Variants in ITPR2 observed in about 807,000 individuals in gnomAD.
The protein encoded by ITPR2 is inositol 1,4,5-trisphosphate receptor type 2.
A neutral mutation model predicts 317.1 loss-of-function variants in ITPR2; 207 were observed. The observed-to-expected ratio is 0.65, with a 90% CI of 0.58 to 0.73. ITPR2 has a LOEUF of 0.73. Ranked by LOEUF, ITPR2 falls within the 30% of genes least tolerant of loss-of-function variation. The pLI is 0.00. For missense variants in ITPR2, 2,613 were observed against 3,284.0 expected (o/e 0.80, Z 4.99); for synonymous variants, 1,156 against 1,149.1 (o/e 1.01, Z -0.12).
intron 26 of ITPR2, among the ~76,000 whole-genome samples, chr12:26,619,526 A>C (rs918483726): frequency 6.6e-6 from 1 of 152,110 alleles, no homozygotes; most frequent in Non-Finnish European, 1.5e-5. Context: ...AGAGACATGA[A>C]ATAAGGTGAG....
chr12:26,724,786 C>T, intron 3 of ITPR2, 44 bp from the exon 4 acceptor site: 2 of 1,412,112 alleles, frequency 1.4e-6, no homozygotes, highest in Non-Finnish European at 2.0e-6. Flanking sequence ...ATATAGTAAA[C>T]AGAGTGTAAT....
chr12:26,558,075 CTAAA>C (rs560429987), intron 35 of ITPR2, among the ~76,000 whole-genome samples: 183 of 152,250 alleles, frequency 1.2e-3, no homozygotes, highest in Non-Finnish European at 2.2e-3. Context: ...TTCAACCACT[CTAAA>C]TAAGCTTTCT....
intron 54 of ITPR2, 55 bp downstream of exon 54, chr12:26,398,819 CCT>C (rs1279165152): frequency 1.8e-5 from 25 of 1,427,820 alleles, no homozygotes; most frequent in African/African-American, 8.7e-5. Context: ...CCCTCTAGCC[CCT>C]CTTTCCTGCA....
intron 2 of ITPR2, among the ~76,000 whole-genome samples, chr12:26,741,768 C>T (rs1208365658): frequency 1.3e-5 from 2 of 152,164 alleles, no homozygotes; most frequent in Non-Finnish European, 2.9e-5. Flanking sequence ...GGGCTCTAGT[C>T]CCCTCAGAAA....
intron 49 of ITPR2, among the ~76,000 whole-genome samples, chr12:26,426,854 T>A (rs1423703812): frequency 1.3e-5 from 2 of 150,710 alleles, no homozygotes; most frequent in East Asian, 3.9e-4. Context: ...ATTTATTAAG[T>A]AAATATTTGT....
intron 18 of ITPR2, 129 bp from the exon 19 acceptor site, chr12:26,656,677 T>C: frequency 2.2e-6 from 2 of 889,878 alleles, no homozygotes; most frequent in Non-Finnish European, 3.4e-6. Context: ...AGTCAAACTC[T>C]TGACTGTAGT....
intron 45 of ITPR2, among the ~76,000 whole-genome samples, chr12:26,443,945 T>C (rs920376017): frequency 6.6e-6 from 1 of 152,170 alleles, no homozygotes; most frequent in Non-Finnish European, 1.5e-5. Flanking sequence ...AAATTTAAAC[T>C]ACATGCAAAT....
chr12:26,782,594 A>G (rs1329797787), intron 2 of ITPR2, among the ~76,000 whole-genome samples: 1 of 152,350 alleles, frequency 6.6e-6, no homozygotes, highest in Non-Finnish European at 1.5e-5. Flanking sequence ...CTCTAGAGTC[A>G]TAGAACTTGG....
chr12:26,583,167 A>C (rs980068300), intron 32 of ITPR2, among the ~76,000 whole-genome samples: 1 of 152,174 alleles, frequency 6.6e-6, no homozygotes, highest in African/African-American at 2.4e-5. Flanking sequence ...ACTGACTGCT[A>C]TACCAGTAAA....
chr12:26,551,024 A>T (rs1248582885), intron 36 of ITPR2, among the ~76,000 whole-genome samples: 1 of 152,236 alleles, frequency 6.6e-6, no homozygotes, highest in East Asian at 1.9e-4. Flanking sequence ...GAAGAGTTTC[A>T]AGATCACCAT....
chr12:26,566,740 T>C (rs1360905054), intron 34 of ITPR2, among the ~76,000 whole-genome samples: 1 of 152,186 alleles, frequency 6.6e-6, no homozygotes, highest in Non-Finnish European at 1.5e-5. Context: ...CCTTAGTAAA[T>C]GTTTTCCTAA....
intron 36 of ITPR2, among the ~76,000 whole-genome samples, chr12:26,551,276 G>C (rs899380955): frequency 6.6e-6 from 1 of 152,196 alleles, no homozygotes; most frequent in Non-Finnish European, 1.5e-5. Flanking sequence ...TCAGGGTCAA[G>C]TGTAAGGGCT....
chr12:26,578,447 T>C (rs1390143760), intron 34 of ITPR2, among the ~76,000 whole-genome samples: 2 of 152,298 alleles, frequency 1.3e-5, no homozygotes, highest in Non-Finnish European at 2.9e-5. Flanking sequence ...AACAATTAAC[T>C]AAAATCCTCT....
chr12:26,486,085 C>T lies in ITPR2; in HGVS notation c.5811+19G>A, dbSNP rs755570202. 6.2e-7 allele frequency: 1 copy of T among 1,612,794 alleles called. No individual in the cohort carries two copies. Among genetic ancestry groups the T allele is most frequent in the South Asian group, 1.1e-5 (1 of 91,004 alleles). ...ACATAGGTTGTATTCTCAGCTTTCACACAAAACAGAACAAATACCTGCAAT... is the reference window on the plus strand; with the variant it reads ...ACATAGGTTGTATTCTCAGCTTTCATACAAAACAGAACAAATACCTGCAAT... On this transcript the variant is annotated intron_variant, in intron 41 of 56. Transcript: ENST00000381340.
intron 37 of ITPR2, among the ~76,000 whole-genome samples, chr12:26,519,766 A>G (rs1055380764): frequency 3.9e-5 from 6 of 152,258 alleles, no homozygotes; most frequent in African/African-American, 1.4e-4. Context: ...TAAAATGAAA[A>G]ACTACTGAAA....
chr12:26,376,401 G>A (rs1181124252), intron 55 of ITPR2, among the ~76,000 whole-genome samples: 1 of 151,984 alleles, frequency 6.6e-6, no homozygotes, highest in Non-Finnish European at 1.5e-5. Flanking sequence ...TGAGGTCAGG[G>A]ACCTAAACAG....
intron 32 of ITPR2, among the ~76,000 whole-genome samples, chr12:26,591,356 G>C (rs1945698536): frequency 6.6e-6 from 1 of 152,178 alleles, no homozygotes; most frequent in South Asian, 2.1e-4. Context: ...TTGATCACAA[G>C]AGAAATGCAA....
chr12:26,399,614 C>T (rs933086764), intron 53 of ITPR2, among the ~76,000 whole-genome samples: 1 of 152,156 alleles, frequency 6.6e-6, no homozygotes, highest in Non-Finnish European at 1.5e-5. Flanking sequence ...CTGGCCGGAG[C>T]AGAGCTAAGA....
At position 26,439,314 on chromosome 12, in the gene ITPR2, G is replaced by A. The variant is rs781191473; in HGVS notation, c.6456C>T (p.Val2152=). ...YANHTAQIEI[V]RHDRTMEQIV... is the part of the protein sequence containing the mutation. ...TTTGTTCCATGGTCCTATCATGCCG[G>A]ACAATCTGAAAACATTAATTTGCAT... Residue 2152 remains valine, a synonymous_variant, in exon 47 of 57, where the codon GTC becomes GTT. Coordinates refer to ENST00000381340, the MANE Select transcript of ITPR2 (RefSeq NM_002223.4). 5 of 1,591,978 alleles carry A rather than the reference G, an allele frequency of 3.1e-6. No individual in the cohort carries two copies. Among genetic ancestry groups the A allele is most frequent in the East Asian group, 2.3e-5 (1 of 43,888 alleles).
Sources: gnomAD v4.1 joint callset for allele counts (sites outside exome capture counted in the v4.1 genomes callset) on GRCh38, gnomAD v4.1.1 for gene constraint, MANE v1.5 for transcripts, NCBI Gene and HGNC (gene_info 2026-07-23, HGNC 2026-07-21) for gene names.